The following ALDH18A1 variants were observed in gnomAD, a reference collection of about 807,000 sequenced individuals.
ALDH18A1 encodes the protein aldehyde dehydrogenase 18 family member A1, also known as delta-1-pyrroline-5-carboxylate synthase.
Under a neutral mutation model 88.8 loss-of-function variants are expected in ALDH18A1, and 44 were observed. That is an observed-to-expected ratio of 0.50 (90% confidence interval 0.39 to 0.64). ALDH18A1 has a LOEUF of 0.64. Ranked by LOEUF, ALDH18A1 falls within the 30% of genes least tolerant of loss-of-function variation. The probability of loss-of-function intolerance (pLI) is 0.00; values close to 1 mark genes in which losing one functional copy is unlikely to be tolerated. For synonymous variants in ALDH18A1, 331 were observed against 372.1 expected, an observed-to-expected ratio of 0.89 and a Z score of 1.27; for missense variants, 782 against 1,009.5, an observed-to-expected ratio of 0.77 and a Z score of 3.05.
At chr10:95,656,546 A>G (rs2097918406) in intron 1 of ALDH18A1, 51 bp downstream of exon 1, 1 of 152,234 alleles carries the variant, frequency 6.6e-6, no homozygotes, top group Admixed American at 6.5e-5. Context: ...GGCGCGCAAC[A>G]GCTTCCGCAG....
Position 95,633,514 on chromosome 10 carries a change from T to C in ALDH18A1, c.694A>G (p.Asn232Asp), listed in dbSNP as rs576668110. 1 of 1,614,180 alleles carries C rather than the reference T, an allele frequency of 6.2e-7. No individual in the cohort carries two copies. The highest frequency in any genetic ancestry group is 8.5e-7 in the Non-Finnish European group (1 of 1,180,036). ...ACATTTACCCCCTGCAGGTCACTGT[T>C]GGGCTCAGCTGGGGGGACAACAGCA... ...NDAVVPPAEP[N>D]SDLQGVNVIS... The change falls in exon 6 of 18, where the codon AAC becomes GAC. Residue 232 changes from asparagine (N) to aspartate (D), a missense_variant. Coordinates refer to ENST00000371224, the MANE Select transcript of ALDH18A1 (RefSeq NM_002860.4).
At chr10:95,646,271 T>C (rs1235526108) in intron 2 of ALDH18A1, among the ~76,000 whole-genome samples, 1 of 152,056 alleles carries the variant, frequency 6.6e-6, no homozygotes, top group East Asian at 1.9e-4. Flanking sequence ...GTCCAGGTGA[T>C]CAAATGGTAG....
rs2097882153 is a variant in ALDH18A1 at position 95,637,111 on chromosome 10, G to A, written c.540C>T (p.Tyr180=). 1 of 1,614,038 alleles carries A rather than the reference G, an allele frequency of 6.2e-7. No individual in the cohort carries two copies. Among genetic ancestry groups the A allele is most frequent in the African/African-American group, 1.3e-5 (1 of 74,918 alleles). ...MALYEAMFTQ[Y]SICAAQILVT... is the part of the protein sequence containing the mutation. ...CTCTCACCTGGGCAGCACAGATGCT[G>A]TACTGGGTAAACATAGCCTCATACA... Residue 180 remains tyrosine, a synonymous_variant, in exon 5 of 18, where the codon TAC becomes TAT. Coordinates refer to ENST00000371224, the MANE Select transcript of ALDH18A1 (RefSeq NM_002860.4).
intron 11 of ALDH18A1, among the ~76,000 whole-genome samples, chr10:95,624,651 G>A (rs2097857934): frequency 6.6e-6 from 1 of 151,986 alleles, no homozygotes; most frequent in Non-Finnish European, 1.5e-5. Context: ...AAAGAGTCAG[G>A]GCCCTGACTC....
Position 95,647,646 on chromosome 10 carries a change from G to T in ALDH18A1, c.89-4440C>A, listed in dbSNP as rs138693605. The stretch of plus-strand genomic sequence containing the variant: ...GGTTGTAAGACCCTCAGTCCAGAGA[G>T]GGTCCTGCCCCATACCTTGGAGGAA... On this transcript the variant is annotated intron_variant, in intron 2 of 17. Coordinates refer to ENST00000371224, the MANE Select transcript of ALDH18A1 (RefSeq NM_002860.4). 2.5e-3 allele frequency among the ~76,000 whole-genome samples: 388 copies of T among 152,366 alleles called. 5 individuals carry two copies. Among genetic ancestry groups the T allele is most frequent in the Admixed American group, 0.018 (283 of 15,302 alleles).
Position 95,611,353 on chromosome 10 carries a change from C to T in ALDH18A1, c.2013G>A (p.Leu671=). ...VKSLRTEYGD[L]ELCIEVVDNV... is the part of the protein sequence containing the mutation. Reference sequence around the variant, plus strand: ...TGTCCACTACTTCAATGCATAATTCCAGGTCCCCATACTCAGTTCGGAGTG... The same window carrying T: ...TGTCCACTACTTCAATGCATAATTCTAGGTCCCCATACTCAGTTCGGAGTG... The change falls in exon 16 of 18, where the codon CTG becomes CTA. Residue 671 remains leucine, a synonymous_variant. Transcript: ENST00000371224. The T allele has an allele frequency of 6.2e-7, 1 of 1,614,080 alleles. No homozygotes were observed. Among genetic ancestry groups the T allele is most frequent in the Non-Finnish European group, 8.5e-7 (1 of 1,180,038 alleles).
intron 12 of ALDH18A1, among the ~76,000 whole-genome samples, chr10:95,620,432 G>GTA (rs2097850357): frequency 6.6e-6 from 1 of 152,136 alleles, no homozygotes; most frequent in Admixed American, 6.5e-5. Context: ...CCATTACTGG[G>GTA]TATATACCCA....
chr10:95,643,179 T>C lies in ALDH18A1; in HGVS notation c.116A>G (p.His39Arg), dbSNP rs2097895210. The C allele has an allele frequency of 1.2e-6, 2 of 1,614,210 alleles. No individual in the cohort carries two copies. Among genetic ancestry groups the C allele is most frequent in the East Asian group, 2.2e-5 (1 of 44,888 alleles). The change falls in exon 3 of 18, where the codon CAT (histidine) becomes CGT (arginine). Residue 39 changes from histidine to arginine, a missense_variant. Transcript: ENST00000371224. ...CGGGATGTTGCTCCAAGAACGAACA[T>C]GTCTGATGACTGAAGGCTGGATACA... ...SHCIQPSVIR[H>R]VRSWSNIPFI...
At chr10:95,636,982 T>C in intron 5 of ALDH18A1, 111 bp downstream of exon 5, 1 of 995,668 alleles carries the variant, frequency 1.0e-6, no homozygotes, top group Non-Finnish European at 1.6e-6. Context: ...AGATCTCAAG[T>C]AGCAAGTGAT....
At position 95,627,522 on chromosome 10, in the gene ALDH18A1, G is replaced by A; in HGVS notation, c.998C>T (p.Pro333Leu). Reference sequence around the variant, plus strand: ...TGTGATGACGTGCCCAGACACCTTTGGGTGGGTTCCATTGGCAATAACAAC... The same window carrying A: ...TGTGATGACGTGCCCAGACACCTTTAGGTGGGTTCCATTGGCAATAACAAC... The part of the protein sequence containing the change: ...TSVVIANGTH[P>L]KVSGHVITDI... Residue 333 changes from proline (P) to leucine (L), a missense_variant, in exon 9 of 18, where the codon CCA (proline) becomes CTA (leucine). Transcript: ENST00000371224. 5 of 1,614,064 alleles carry A rather than the reference G, an allele frequency of 3.1e-6. No homozygotes were observed. The highest frequency in any genetic ancestry group is 4.2e-6 in the Non-Finnish European group (5 of 1,179,976).
At chr10:95,632,515 C>T (rs1430601244) in intron 7 of ALDH18A1, among the ~76,000 whole-genome samples, 2 of 152,132 alleles carry the variant, frequency 1.3e-5, no homozygotes, top group Non-Finnish European at 2.9e-5. Flanking sequence ...AGGCGCATAC[C>T]ACCATGTCCA....
In ALDH18A1 at chr10:95,616,404, A is replaced by C. The variant is rs1330310185; in HGVS notation, c.1605+73T>G. ...TAGTGTCTTGGCTCTGTGTGGCCTA[A>C]GTTTTGCTTTAAATTCCCAAACACC... On this transcript the variant is annotated intron_variant, in intron 13 of 17. Coordinates refer to ENST00000371224, the MANE Select transcript of ALDH18A1 (RefSeq NM_002860.4). The C allele has an allele frequency of 5.2e-6, 8 of 1,542,260 alleles. No individual in the cohort carries two copies. The East Asian group carries it at 1.5e-4, about 28-fold the overall frequency.
intron 1 of ALDH18A1, 109 bp from the exon 2 acceptor site, chr10:95,653,514 CA>C (rs2139670632): frequency 1.1e-6 from 1 of 885,892 alleles, no homozygotes; most frequent in African/African-American, 1.7e-5. Context: ...TCTCCTGCTC[CA>C]AACTCCTCTG....
At chr10:95,625,641 T>A (rs1221922787) in intron 10 of ALDH18A1, among the ~76,000 whole-genome samples, 186 bp from the exon 11 acceptor site, 1 of 151,910 alleles carries the variant, frequency 6.6e-6, no homozygotes, top group Non-Finnish European at 1.5e-5. Flanking sequence ...TCTTCCTTCC[T>A]CTCTCACTGC....
At chr10:95,617,954 A>G (rs2097846664) in intron 12 of ALDH18A1, among the ~76,000 whole-genome samples, 1 of 152,188 alleles carries the variant, frequency 6.6e-6, no homozygotes, top group Non-Finnish European at 1.5e-5. Flanking sequence ...GACTGAGGAT[A>G]GGCCTCAGTG....
At chr10:95,655,312 C>A (rs1303748550) in intron 1 of ALDH18A1, among the ~76,000 whole-genome samples, 1 of 152,080 alleles carries the variant, frequency 6.6e-6, no homozygotes, top group African/African-American at 2.4e-5. Flanking sequence ...AGAGAGAATG[C>A]GTGGAAAGTG....
At chr10:95,607,764 TG>T (rs772788879) in intron 17 of ALDH18A1, among the ~76,000 whole-genome samples, 3 of 152,120 alleles carry the variant, frequency 2.0e-5, no homozygotes, top group Non-Finnish European at 4.4e-5. Context: ...CTGGGTAGGA[TG>T]GTCAGGGAAA....
intron 7 of ALDH18A1, among the ~76,000 whole-genome samples, chr10:95,631,550 C>T (rs963168893): frequency 1.3e-5 from 2 of 152,034 alleles, no homozygotes; most frequent in African/African-American, 4.8e-5. Flanking sequence ...CAAAACCAGC[C>T]TGGCCCAAAT....
At chr10:95,640,456 T>G (rs1187193051) in intron 3 of ALDH18A1, among the ~76,000 whole-genome samples, 1 of 152,006 alleles carries the variant, frequency 6.6e-6, no homozygotes, top group Non-Finnish European at 1.5e-5. Flanking sequence ...ATTCTACTGC[T>G]TCAGCCTACC....
Sources: gnomAD v4.1 joint callset for allele counts (sites outside exome capture counted in the v4.1 genomes callset) on GRCh38, gnomAD v4.1.1 for gene constraint, MANE v1.5 for transcripts, NCBI Gene and HGNC (gene_info 2026-07-23, HGNC 2026-07-21) for gene names.